CCDC178: variants seen among roughly 807,000 people sequenced by gnomAD.
CCDC178 encodes coiled-coil domain containing 178, also known as coiled-coil domain-containing protein 178.
CCDC178 carries 126 observed loss-of-function variants against 117.4 expected under a neutral mutation model. That is an observed-to-expected ratio of 1.07 (90% CI 0.93 to 1.24). The LOEUF is 1.24. CCDC178 is among the 50% of genes most tolerant of loss of function. The pLI is 0.00. For missense variants in CCDC178, 1,030 were observed against 986.9 expected (o/e 1.04, Z -0.59); for synonymous variants, 283 against 313.4 (o/e 0.90, Z 1.02).
chr18:33,181,678 A>T (rs2058734101), intron 20 of CCDC178, among the ~76,000 whole-genome samples: 1 of 151,856 alleles, frequency 6.6e-6, no homozygotes. Flanking sequence ...ACGGCTTTCA[A>T]CTATATTAAT....
At chr18:33,236,757 C>T (rs2059430648) in intron 15 of CCDC178, among the ~76,000 whole-genome samples, 1 of 152,092 alleles carries the variant, frequency 6.6e-6, no homozygotes, top group Admixed American at 6.5e-5. Flanking sequence ...AGTGGAGAGG[C>T]AACTCTGGTA....
At chr18:33,397,229 CAAAAT>C in intron 3 of CCDC178, 21 bp from the exon 4 acceptor site, 1 of 1,531,106 alleles carries the variant, frequency 6.5e-7, no homozygotes, top group Non-Finnish European at 9.0e-7. Flanking sequence ...TAAAATAAAA[CAAAAT>C]AAAATATCTG....
intron 2 of CCDC178, among the ~76,000 whole-genome samples, chr18:33,431,219 T>C (rs1351533827): frequency 6.7e-6 from 1 of 149,822 alleles, no homozygotes; most frequent in African/African-American, 2.4e-5. Context: ...TTTTTACTTT[T>C]AACAGTGGAG....
intron 21 of CCDC178, among the ~76,000 whole-genome samples, chr18:33,025,248 T>C (rs1478104017): frequency 1.3e-5 from 2 of 152,276 alleles, no homozygotes; most frequent in Middle Eastern, 3.4e-3. Flanking sequence ...GAAAAATTAT[T>C]CGACAAAACT....
chr18:32,948,903 A>G (rs921319388), intron 22 of CCDC178, among the ~76,000 whole-genome samples: 1 of 152,042 alleles, frequency 6.6e-6, no homozygotes, highest in Non-Finnish European at 1.5e-5. Flanking sequence ...TTCTTCCTGA[A>G]AGACTTCATT....
chr18:33,080,466 G>A (rs2057279835), intron 21 of CCDC178, among the ~76,000 whole-genome samples: 1 of 152,052 alleles, frequency 6.6e-6, no homozygotes, highest in Non-Finnish European at 1.5e-5. Context: ...GCATACAAAG[G>A]GAAGACATTG....
chr18:33,304,483 T>C (rs144864836), intron 11 of CCDC178, among the ~76,000 whole-genome samples: 128 of 152,290 alleles, frequency 8.4e-4, no homozygotes, highest in African/African-American at 2.8e-3. Flanking sequence ...AACCTAATCA[T>C]AAAACGATGT....
chr18:33,231,468 T>C (rs532161149), intron 15 of CCDC178, among the ~76,000 whole-genome samples: 24 of 152,354 alleles, frequency 1.6e-4, no homozygotes, highest in African/African-American at 5.5e-4. Flanking sequence ...GCATGTAGAC[T>C]ATGCATTTGT....
chr18:32,994,516 G>C (rs1245899208), intron 21 of CCDC178, among the ~76,000 whole-genome samples: 2 of 152,086 alleles, frequency 1.3e-5, no homozygotes. Context: ...CTTTGCCTTT[G>C]AAATGAAGAT....
chr18:33,045,473 T>A (rs1181021441), intron 21 of CCDC178, among the ~76,000 whole-genome samples: 1 of 152,174 alleles, frequency 6.6e-6, no homozygotes, highest in African/African-American at 2.4e-5. Context: ...ATTGAACATC[T>A]ACTTTGCCAG....
intron 20 of CCDC178, among the ~76,000 whole-genome samples, chr18:33,153,510 A>G (rs2058361975): frequency 1.3e-5 from 2 of 152,130 alleles, no homozygotes. Flanking sequence ...TATTATGTCT[A>G]TACTTATTTC....
At chr18:33,046,106 T>C (rs2056637839) in intron 21 of CCDC178, among the ~76,000 whole-genome samples, 1 of 152,178 alleles carries the variant, frequency 6.6e-6, no homozygotes, top group Admixed American at 6.5e-5. Context: ...AGATAGTAGA[T>C]GATGTTAGCC....
chr18:33,132,771 T>G lies in CCDC178; in HGVS notation c.2239-39861A>C, dbSNP rs556325888. Among the ~76,000 whole-genome samples, 12 of 151,790 alleles carry G rather than the reference T, an allele frequency of 7.9e-5. No individual in the cohort carries two copies. In the South Asian group the frequency reaches 2.5e-3, roughly 31 times the overall value. On this transcript the variant is annotated intron_variant, in intron 20 of 22. Coordinates refer to ENST00000383096, the MANE Select transcript of CCDC178 (RefSeq NM_001105528.4). ...GTAATTCCACAAATAAATCTACAAA[T>G]AGTATGTAAATAGTGGTGGCTTGCT... is the stretch of plus-strand genomic sequence containing the variant.
chr18:33,354,827 C>A (rs1306981859), intron 7 of CCDC178, among the ~76,000 whole-genome samples: 2 of 152,100 alleles, frequency 1.3e-5, no homozygotes, highest in Admixed American at 1.3e-4. Flanking sequence ...ATTGGCCAGG[C>A]TGGTCTTGAA....
At chr18:33,391,709 A>C (rs1434127741) in intron 4 of CCDC178, among the ~76,000 whole-genome samples, 1 of 152,186 alleles carries the variant, frequency 6.6e-6, no homozygotes, top group Non-Finnish European at 1.5e-5. Context: ...TGTATGAAAA[A>C]GGAAACACTT....
intron 5 of CCDC178, among the ~76,000 whole-genome samples, chr18:33,387,406 C>T (rs574889112): frequency 6.6e-6 from 1 of 152,148 alleles, no homozygotes; most frequent in African/African-American, 2.4e-5. Context: ...CCAAGACAAT[C>T]CTAAGCAAAA....
At chr18:33,232,567 G>A (rs1176453872) in intron 15 of CCDC178, among the ~76,000 whole-genome samples, 1 of 152,160 alleles carries the variant, frequency 6.6e-6, no homozygotes, top group Non-Finnish European at 1.5e-5. Context: ...TCTGGCTATG[G>A]TTGTGCATTA....
intron 9 of CCDC178, among the ~76,000 whole-genome samples, chr18:33,344,761 G>A (rs1244818099): frequency 6.7e-6 from 1 of 149,452 alleles, no homozygotes; most frequent in Non-Finnish European, 1.5e-5. Context: ...GAATTTCCCA[G>A]GGTGTCTTTT....
rs1206761679 is a variant in CCDC178 at position 33,270,826 on chromosome 18, T to TA, written c.1177-3530dup. On this transcript the variant is annotated intron_variant, in intron 12 of 22. Coordinates refer to ENST00000383096, the MANE Select transcript of CCDC178 (RefSeq NM_001105528.4). Reference sequence around the variant, plus strand: ...TAATCATAACTTTATAGGTAAATATTAAAAATGTATAAACGTATTATTTTG... The same window carrying TA: ...TAATCATAACTTTATAGGTAAATATTAAAAAATGTATAAACGTATTATTTTG... 2.0e-5 allele frequency among the ~76,000 whole-genome samples: 3 copies of TA among 151,504 alleles called. No homozygotes were observed. The Admixed American group carries it at 2.0e-4, about 10-fold the overall frequency.
Sources: gnomAD v4.1 joint callset for allele counts (sites outside exome capture counted in the v4.1 genomes callset) on GRCh38, gnomAD v4.1.1 for gene constraint, MANE v1.5 for transcripts, NCBI Gene and HGNC (gene_info 2026-07-23, HGNC 2026-07-21) for gene names.